The following AFF3 variants were observed in gnomAD, a reference collection of about 807,000 sequenced individuals.
AFF3 encodes AF4/FMR2 family member 3.
AFF3 carries 32 observed loss-of-function variants against 129.7 expected under a neutral mutation model. The ratio of observed to expected loss-of-function variants is 0.25; its 90% CI spans 0.19 to 0.33. The LOEUF (loss-of-function observed/expected upper bound fraction) is 0.33, where lower values mean the gene tolerates loss of function less well. Ranked by LOEUF, AFF3 falls within the 10% of genes least tolerant of loss-of-function variation. The probability of loss-of-function intolerance (pLI) is 1.00; values close to 1 mark genes in which losing one functional copy is unlikely to be tolerated. For synonymous variants in AFF3, 644 were observed against 635.4 expected (o/e 1.01, Z -0.20); for missense variants, 1,373 against 1,592.0 (o/e 0.86, Z 2.34).
intron 8 of AFF3, among the ~76,000 whole-genome samples, chr2:99,823,549 A>ATATAATG (rs1179404505): frequency 1.3e-5 from 2 of 152,232 alleles, no homozygotes; most frequent in Non-Finnish European, 2.9e-5. Context: ...TTTTAAATTA[A>ATATAATG]TACATTATAA....
At chr2:100,101,809 G>A (rs1000392686) in intron 4 of AFF3, among the ~76,000 whole-genome samples, 1 of 149,276 alleles carries the variant, frequency 6.7e-6, no homozygotes, top group Non-Finnish European at 1.5e-5. Context: ...TGTGACTCTG[G>A]GCAGGTTACC....
At chr2:99,784,475 C>T (rs1684639587) in intron 8 of AFF3, among the ~76,000 whole-genome samples, 1 of 152,186 alleles carries the variant, frequency 6.6e-6, no homozygotes, top group Non-Finnish European at 1.5e-5. Context: ...GAGTTAGTCC[C>T]TCTAGAGGCC....
Position 100,007,866 on chromosome 2 carries a change from TCAGGAGGCTGAGG to T in AFF3, c.175-419_175-407del, listed in dbSNP as rs140709320. The T allele has an allele frequency of 1.1e-3, 208 of 185,974 alleles. 3 individuals carry two copies. The East Asian group carries it at 0.027, about 24-fold the overall frequency. 11.5% of individuals were successfully genotyped at this position (185,974 alleles called of 1,614,324 possible). A position where few individuals can be genotyped will look rare whatever the true frequency, so the allele number is the denominator to read the frequency against. On this transcript the variant is annotated intron_variant, in intron 5 of 24. Transcript: ENST00000672756. ...GTCGGGCTGCTGTAGTCCCAGCTAC[TCAGGAGGCTGAGG>T]CAGGAGAATCACTTGAACCTGGGAG...
Position 100,104,449 on chromosome 2 carries a change from G to C in AFF3, c.6C>G (p.Asp2Glu). 2 of 1,318,110 alleles carry C rather than the reference G, an allele frequency of 1.5e-6. No homozygotes were observed. Among genetic ancestry groups the C allele is most frequent in the Non-Finnish European group, 2.0e-6 (2 of 1,010,010 alleles). The allele number at this position is 1,318,110 out of a possible 1,614,324, so 81.7% of individuals were successfully genotyped here. M[D>E]SFDLALLQEW... ...CCTGGAGCAGGGCTAAGTCGAAGCTGTCCATGGTGGGAGGTGTCAGCGTCG... is the reference window on the plus strand; with the variant it reads ...CCTGGAGCAGGGCTAAGTCGAAGCTCTCCATGGTGGGAGGTGTCAGCGTCG... The change falls in exon 4 of 25, where the codon GAC becomes GAG. Residue 2 changes from aspartate (D) to glutamate (E), a missense_variant. Around this residue, in one of 9 missense-constraint regions of AFF3, gnomAD observed 5 missense variants for 19.4 expected, o/e 0.26. Coordinates refer to ENST00000672756, the MANE Select transcript of AFF3 (RefSeq NM_001386135.1).
intron 8 of AFF3, among the ~76,000 whole-genome samples, chr2:99,804,082 AT>A (rs1223545051): frequency 6.6e-6 from 1 of 152,170 alleles, no homozygotes; most frequent in Non-Finnish European, 1.5e-5. Flanking sequence ...CAAACAAAAA[AT>A]AAATGAGACC....
At chr2:99,824,173 T>C (rs1296580409) in intron 8 of AFF3, among the ~76,000 whole-genome samples, 1 of 151,980 alleles carries the variant, frequency 6.6e-6, no homozygotes, top group African/African-American at 2.4e-5. Flanking sequence ...TGGAGTGCAG[T>C]GGTGCGATCT....
At chr2:99,609,212 G>C (rs1044407445) in intron 13 of AFF3, among the ~76,000 whole-genome samples, 1 of 151,976 alleles carries the variant, frequency 6.6e-6, no homozygotes, top group African/African-American at 2.4e-5. Flanking sequence ...TTTAACCTTA[G>C]GATTTGTTTT....
chr2:100,062,624 G>A (rs185453938), intron 4 of AFF3, among the ~76,000 whole-genome samples: 78 of 152,222 alleles, frequency 5.1e-4, no homozygotes, highest in South Asian at 2.1e-3. Flanking sequence ...GAAGGCAATG[G>A]AATTGTCTCA....
chr2:99,712,266 T>C (rs1404455660), intron 11 of AFF3, among the ~76,000 whole-genome samples: 1 of 152,252 alleles, frequency 6.6e-6, no homozygotes, highest in Non-Finnish European at 1.5e-5. Context: ...GAGCCATATA[T>C]TCTAGTCGCC....
intron 4 of AFF3, among the ~76,000 whole-genome samples, chr2:100,036,147 A>C (rs1165335629): frequency 1.3e-5 from 2 of 150,072 alleles, no homozygotes; most frequent in East Asian, 1.9e-4. Context: ...AAAAAAAAAA[A>C]AAAAAAAAAA....
intron 15 of AFF3, among the ~76,000 whole-genome samples, chr2:99,587,589 A>G (rs1489092178): frequency 6.6e-6 from 1 of 152,230 alleles, no homozygotes; most frequent in East Asian, 1.9e-4. Context: ...AACTGGTCTG[A>G]GTTCCCACTG....
intron 19 of AFF3, 62 bp from the exon 20 acceptor site, chr2:99,565,685 A>T: frequency 6.4e-7 from 1 of 1,574,140 alleles, no homozygotes; most frequent in Non-Finnish European, 8.7e-7. Context: ...TGGCATTGTC[A>T]TGTAGTTTAT....
intron 12 of AFF3, among the ~76,000 whole-genome samples, chr2:99,668,560 TTTTTG>T (rs1172117640): frequency 6.6e-6 from 1 of 151,412 alleles, no homozygotes. Flanking sequence ...TTTGTTTTTG[TTTTTG>T]TTTTGTTTTT....
At chr2:100,099,390 A>C (rs931478624) in intron 4 of AFF3, among the ~76,000 whole-genome samples, 11 of 152,246 alleles carry the variant, frequency 7.2e-5, no homozygotes, top group African/African-American at 2.4e-4. Flanking sequence ...AGACAAGCAA[A>C]AGCATCAGCG....
chr2:99,837,567 G>C (rs112671704), intron 7 of AFF3, 43 bp from the exon 8 acceptor site: 1 of 1,572,766 alleles, frequency 6.4e-7, no homozygotes. Context: ...GGAATAGATT[G>C]ATGACCACAC....
intron 4 of AFF3, among the ~76,000 whole-genome samples, chr2:100,037,971 T>C (rs181771894): frequency 1.3e-5 from 2 of 151,336 alleles, no homozygotes; most frequent in Non-Finnish European, 2.9e-5. Flanking sequence ...TTTGGAATTA[T>C]TGGATTTGGA....
At chr2:99,670,271 A>C (rs1043880352) in intron 12 of AFF3, among the ~76,000 whole-genome samples, 2 of 152,212 alleles carry the variant, frequency 1.3e-5, no homozygotes, top group African/African-American at 4.8e-5. Flanking sequence ...GATCTGAGGA[A>C]GGGCAGGCAG....
intron 22 of AFF3, 28 bp downstream of exon 22, chr2:99,558,847 A>C: frequency 6.2e-7 from 1 of 1,604,100 alleles, no homozygotes; most frequent in Non-Finnish European, 8.5e-7. Flanking sequence ...AAATTAAGGA[A>C]CAATTCTGCT....
At position 99,594,007 on chromosome 2, in the gene AFF3, C is replaced by T; in HGVS notation, c.1654G>A (p.Ala552Thr). 3 of 1,559,472 alleles carry T rather than the reference C, an allele frequency of 1.9e-6. No individual in the cohort carries two copies. Among genetic ancestry groups the T allele is most frequent in the East Asian group, 2.3e-5 (1 of 44,182 alleles). Residue 552 changes from alanine (A) to threonine (T), a missense_variant, in exon 15 of 25, where the codon GCG (alanine) becomes ACG (threonine). By Grantham distance (58) the Ala-to-Thr change is moderately conservative. This residue lies in a region of AFF3 where 413 missense variants were observed against 424.4 expected (regional missense o/e 0.97). Coordinates refer to ENST00000672756, the MANE Select transcript of AFF3 (RefSeq NM_001386135.1). Reference sequence around the variant, plus strand: ...GCGCTCACCGCCACGGCCACGGCCGCGGGCGGGGACTTCTGCTTCACGCCT... The same window carrying T: ...GCGCTCACCGCCACGGCCACGGCCGTGGGCGGGGACTTCTGCTTCACGCCT... ...SKGVKQKSPP[A>T]AVAVAVSAAA...
Sources: gnomAD v4.1 joint callset for allele counts (sites outside exome capture counted in the v4.1 genomes callset) on GRCh38, gnomAD v4.1.1 for gene constraint, gnomAD v4.1.1 regional missense constraint, MANE v1.5 for transcripts, NCBI Gene and HGNC (gene_info 2026-07-23, HGNC 2026-07-21) for gene names.